The following POC5 variants were observed in gnomAD, a reference collection of about 807,000 sequenced individuals.
The protein encoded by POC5 is centrosomal protein POC5.
POC5 carries 48 observed loss-of-function variants against 62.9 expected under a neutral mutation model. The observed-to-expected ratio is 0.76, with a 90% CI of 0.61 to 0.97. The LOEUF (loss-of-function observed/expected upper bound fraction) is 0.97, where lower values mean the gene tolerates loss of function less well. Among genes scored for constraint, POC5 ranks in the 50% least tolerant of loss-of-function variants. The pLI, the probability that POC5 is intolerant of heterozygous loss-of-function variation, is 0.00. For synonymous variants in POC5, 236 were observed against 228.2 expected (o/e 1.03, Z -0.31); for missense variants, 696 against 679.5 (o/e 1.02, Z -0.27).
chr5:75,685,247 A>G lies in POC5; in HGVS notation c.1367T>C (p.Leu456Pro). The change falls in exon 10 of 12, where the codon CTT becomes CCT. Residue 456 changes from leucine (L) to proline (P), a missense_variant. Leu to Pro is a moderately conservative substitution (Grantham distance 98). Transcript: ENST00000428202. ...AGCAGTAGCTGCAGATCCTGCACCA[A>G]GAGCAGAAACAGGAACGTGAACAGA... Reference protein sequence around the residue: ...ASSVHVPVSALGAGSAATAAS... With the variant: ...ASSVHVPVSAPGAGSAATAAS... 2 of 1,613,902 alleles carry G rather than the reference A, an allele frequency of 1.2e-6. No individual in the cohort carries two copies. The highest frequency in any genetic ancestry group is 1.7e-6 in the Non-Finnish European group (2 of 1,179,820).
chr5:75,695,718 C>A (rs1242484909), intron 5 of POC5, among the ~76,000 whole-genome samples: 1 of 152,190 alleles, frequency 6.6e-6, no homozygotes, highest in East Asian at 1.9e-4. Flanking sequence ...GCCAAGATGG[C>A]CGAATAGGAA....
Position 75,685,460 on chromosome 5 carries a change from T to C in POC5, c.1154A>G (p.Lys385Arg). 1 of 1,611,384 alleles carries C rather than the reference T, an allele frequency of 6.2e-7. No individual in the cohort carries two copies. The highest frequency in any genetic ancestry group is 8.5e-7 in the Non-Finnish European group (1 of 1,177,768). The change falls in exon 10 of 12, where the codon AAG becomes AGG. Residue 385 changes from lysine to arginine, a missense_variant. Transcript: ENST00000428202. ...TTGAACACCAGGACCATACTCTTCC[T>C]TTTTATTATTTGTGGAGTCTATCCC... is the stretch of plus-strand genomic sequence containing the variant. ...DAGIDSTNNK[K>R]EEYGPGVQGK... is the part of the protein sequence containing the mutation.
chr5:75,682,309 G>C (rs1054821762), intron 10 of POC5, among the ~76,000 whole-genome samples: 5 of 152,176 alleles, frequency 3.3e-5, no homozygotes, highest in Admixed American at 3.3e-4. Context: ...TACCCATGAA[G>C]TTACATTTTA....
intron 5 of POC5, among the ~76,000 whole-genome samples, chr5:75,696,389 T>C (rs1776588471): frequency 1.3e-5 from 2 of 152,204 alleles, no homozygotes; most frequent in African/African-American, 4.8e-5. Context: ...CTGCCTCAAG[T>C]GGGTCCCTGA....
chr5:75,677,782 C>T lies in POC5; in HGVS notation c.1576G>A (p.Val526Ile), dbSNP rs1775725830. The change falls in exon 11 of 12, where the codon GTC becomes ATC. Residue 526 changes from valine to isoleucine, a missense_variant. Physicochemically the swap from Val to Ile is conservative, Grantham distance 29. Coordinates refer to ENST00000428202, the MANE Select transcript of POC5 (RefSeq NM_001099271.2). Reference protein sequence around the residue: ...SSVVVEKHHPVTVQTIPQATA... With the variant: ...SSVVVEKHHPITVQTIPQATA... ...ATCAAATGTGGACTCACCACTGTGA[C>T]TGGATGATGTTTTTCCACAACAACT... 2 of 1,605,348 alleles carry T rather than the reference C, an allele frequency of 1.2e-6. No homozygotes were observed. The highest frequency in any genetic ancestry group is 1.7e-6 in the Non-Finnish European group (2 of 1,175,820).
At chr5:75,688,490 A>G (rs1004147617) in intron 9 of POC5, among the ~76,000 whole-genome samples, 4 of 152,168 alleles carry the variant, frequency 2.6e-5, no homozygotes, top group African/African-American at 2.4e-5. Flanking sequence ...ATGTCAGACA[A>G]TATGTGGATT....
intron 5 of POC5, among the ~76,000 whole-genome samples, chr5:75,697,261 C>T (rs140621573): frequency 0.053 from 8,023 of 152,108 alleles, 321 homozygotes; most frequent in East Asian, 0.12. Flanking sequence ...TTGTCAGATT[C>T]GCCAAAGTTG....
At chr5:75,715,632 A>C (rs1246109905) in intron 1 of POC5, among the ~76,000 whole-genome samples, 1 of 152,186 alleles carries the variant, frequency 6.6e-6, no homozygotes, top group Non-Finnish European at 1.5e-5. Flanking sequence ...TTGAGTGGGG[A>C]CACAAGACCT....
intron 4 of POC5, among the ~76,000 whole-genome samples, chr5:75,704,806 A>G (rs976357097): frequency 1.3e-5 from 2 of 152,256 alleles, no homozygotes; most frequent in Admixed American, 1.3e-4. Context: ...TTACCACATT[A>G]AATAACATTA....
At chr5:75,682,361 G>A (rs1775900872) in intron 10 of POC5, among the ~76,000 whole-genome samples, 2 of 152,190 alleles carry the variant, frequency 1.3e-5, no homozygotes, top group South Asian at 4.1e-4. Context: ...TGTGTTAACT[G>A]CATATGCAAG....
At chr5:75,697,843 CAT>C (rs1472368914) in intron 5 of POC5, among the ~76,000 whole-genome samples, 1 of 149,186 alleles carries the variant, frequency 6.7e-6, no homozygotes, top group Non-Finnish European at 1.5e-5. Context: ...CAGAGACACA[CAT>C]AGGCTCAAAA....
At chr5:75,698,876 T>A (rs1776731766) in intron 5 of POC5, among the ~76,000 whole-genome samples, 1 of 152,012 alleles carries the variant, frequency 6.6e-6, no homozygotes, top group African/African-American at 2.4e-5. Context: ...TAAAAAATGA[T>A]AAAGGGGATA....
Position 75,689,150 on chromosome 5 carries a change from C to G in POC5, c.991G>C (p.Glu331Gln). ...CTTTGAATCTCAGCTTTTGCATTTT[C>G]CAAAGCTCCAGATAACTAAAATAAG... ...AKVAMLSGAL[E>Q]NAKAEIQRMQ... The change falls in exon 9 of 12, where the codon GAA (glutamate) becomes CAA (glutamine). Residue 331 changes from glutamate to glutamine, a missense_variant. Coordinates refer to ENST00000428202, the MANE Select transcript of POC5 (RefSeq NM_001099271.2). The G allele has an allele frequency of 6.4e-7, 1 of 1,552,990 alleles. No individual in the cohort carries two copies. The highest frequency in any genetic ancestry group is 8.7e-7 in the Non-Finnish European group (1 of 1,149,090).
intron 10 of POC5, 34 bp downstream of exon 10, chr5:75,685,173 T>G: frequency 6.4e-7 from 1 of 1,557,712 alleles, no homozygotes; most frequent in African/African-American, 1.4e-5. Context: ...GGCCGCCCTT[T>G]TCATAAGGTG....
chr5:75,702,775 G>A lies in POC5; in HGVS notation c.343C>T (p.His115Tyr). Residue 115 changes from histidine to tyrosine, a missense_variant, in exon 5 of 12, where the codon CAC becomes TAC. By Grantham distance (83) the His-to-Tyr change is moderately conservative. Coordinates refer to ENST00000428202, the MANE Select transcript of POC5 (RefSeq NM_001099271.2). ...GAACTGAAAAAATCCATGACTGGGTGAGAAGGCTTCCTTGGCGATAACACT... is the reference window on the plus strand; with the variant it reads ...GAACTGAAAAAATCCATGACTGGGTAAGAAGGCTTCCTTGGCGATAACACT... ...SPVLSPRKPS[H>Y]PVMDFFSSHL... 6.3e-7 allele frequency: 1 copy of A among 1,590,072 alleles called. No homozygotes were observed. The highest frequency in any genetic ancestry group is 1.3e-5 in the African/African-American group (1 of 74,670).
intron 5 of POC5, among the ~76,000 whole-genome samples, chr5:75,696,956 C>T (rs1278591614): frequency 5.3e-5 from 8 of 151,538 alleles, no homozygotes; most frequent in South Asian, 2.1e-4. Flanking sequence ...AGGGTATCAG[C>T]AATGGAAGAT....
intron 2 of POC5, among the ~76,000 whole-genome samples, chr5:75,708,122 G>A (rs956234846): frequency 2.6e-5 from 4 of 152,148 alleles, no homozygotes; most frequent in African/African-American, 7.2e-5. Context: ...CACTTTGAGA[G>A]GCTGAGGCAG....
chr5:75,691,682 T>C (rs1356504464), intron 7 of POC5, among the ~76,000 whole-genome samples: 4 of 151,770 alleles, frequency 2.6e-5, no homozygotes, highest in African/African-American at 7.3e-5. Flanking sequence ...GATTATTCCA[T>C]AGCTCACATG....
intron 9 of POC5, among the ~76,000 whole-genome samples, chr5:75,688,616 T>C (rs1041089212): frequency 6.6e-6 from 1 of 152,172 alleles, no homozygotes; most frequent in African/African-American, 2.4e-5. Context: ...TGAGAAACCA[T>C]GACTAGATAA....
Sources: gnomAD v4.1 joint callset for allele counts (sites outside exome capture counted in the v4.1 genomes callset) on GRCh38, gnomAD v4.1.1 for gene constraint, MANE v1.5 for transcripts, NCBI Gene and HGNC (gene_info 2026-07-23, HGNC 2026-07-21) for gene names.